The following ADGRL3 variants were observed in gnomAD, a reference collection of about 807,000 sequenced individuals.
ADGRL3 encodes the protein calcium-independent alpha-latrotoxin receptor 3.
Under a neutral mutation model 153.5 loss-of-function variants are expected in ADGRL3, and 62 were observed. The observed-to-expected ratio is 0.40, with a 90% CI of 0.33 to 0.50. The LOEUF (loss-of-function observed/expected upper bound fraction) is 0.50. Among genes scored for constraint, ADGRL3 ranks in the 20% least tolerant of loss-of-function variants. The pLI is 0.47. For missense variants in ADGRL3, 1,641 were observed against 1,859.4 expected (o/e 0.88, Z 2.16); for synonymous variants, 710 against 672.5 (o/e 1.06, Z -0.86).
intron 2 of ADGRL3, among the ~76,000 whole-genome samples, chr4:61,422,530 T>A (rs1212654420): frequency 6.6e-6 from 1 of 152,152 alleles, no homozygotes; most frequent in Non-Finnish European, 1.5e-5. Flanking sequence ...GGTTATATTA[T>A]TTACTAATGT....
chr4:61,569,403 G>T (rs1014892579), intron 4 of ADGRL3, among the ~76,000 whole-genome samples: 1 of 152,046 alleles, frequency 6.6e-6, no homozygotes, highest in Admixed American at 6.6e-5. Context: ...AAAAAGGAAA[G>T]CTCTACCTAT....
chr4:61,534,871 T>A (rs1380196504), intron 4 of ADGRL3, among the ~76,000 whole-genome samples: 2 of 152,108 alleles, frequency 1.3e-5, no homozygotes, highest in Admixed American at 1.3e-4. Context: ...TAAGATCATG[T>A]CATCAGTGAA....
intron 1 of ADGRL3, among the ~76,000 whole-genome samples, chr4:61,280,821 C>T (rs1196921507): frequency 6.6e-6 from 1 of 151,948 alleles, no homozygotes; most frequent in Non-Finnish European, 1.5e-5. Flanking sequence ...GTAATATATC[C>T]ACTTAGCAAA....
intron 1 of ADGRL3, among the ~76,000 whole-genome samples, chr4:61,377,483 G>A (rs2096617591): frequency 6.6e-6 from 1 of 151,720 alleles, no homozygotes; most frequent in Non-Finnish European, 1.5e-5. Flanking sequence ...GATCTGTTGA[G>A]TATTACCAAA....
chr4:61,846,650 AT>A (rs2098119437), intron 9 of ADGRL3, among the ~76,000 whole-genome samples: 1 of 152,114 alleles, frequency 6.6e-6, no homozygotes, highest in South Asian at 2.1e-4. Context: ...CTCTAAAGAA[AT>A]ACCTGAGACT....
intron 1 of ADGRL3, among the ~76,000 whole-genome samples, chr4:61,284,324 A>G (rs941889429): frequency 4.0e-5 from 6 of 151,764 alleles, no homozygotes; most frequent in Admixed American, 3.3e-4. Context: ...TAAAACATAG[A>G]CTCAACTTCC....
At chr4:61,261,189 CTTTTT>C (rs56862136) in intron 1 of ADGRL3, among the ~76,000 whole-genome samples, 3 of 118,258 alleles carry the variant, frequency 2.5e-5, no homozygotes, top group African/African-American at 1.1e-4. Context: ...TCATCTTCTT[CTTTTT>C]TTTTTTTTTT....
At chr4:61,479,708 T>C (rs1169765764) in intron 2 of ADGRL3, among the ~76,000 whole-genome samples, 1 of 152,162 alleles carries the variant, frequency 6.6e-6, no homozygotes, top group Non-Finnish European at 1.5e-5. Flanking sequence ...GAAACATGTA[T>C]ATTAGAGGTG....
chr4:62,071,784 CA>C lies in ADGRL3; in HGVS notation c.*882del. On this transcript the variant is annotated 3_prime_UTR_variant, in exon 27 of 27. Transcript: ENST00000683033. The stretch of plus-strand genomic sequence containing the variant: ...TTTATTCCTTTAAAATTTCGCCTGG[CA>C]AAAAATAAATAAATGGAACTATCAC... 2 of 393,836 alleles carry C rather than the reference CA, an allele frequency of 5.1e-6. No homozygotes were observed. The highest frequency in any genetic ancestry group is 4.9e-6 in the Non-Finnish European group (1 of 205,240). 24.4% of individuals were successfully genotyped at this position (393,836 alleles called of 1,614,324 possible). A position where few individuals can be genotyped will look rare whatever the true frequency, so the allele number is the denominator to read the frequency against.
chr4:61,421,757 G>A (rs1431587616), intron 2 of ADGRL3, among the ~76,000 whole-genome samples: 1 of 152,114 alleles, frequency 6.6e-6, no homozygotes, highest in East Asian at 1.9e-4. Context: ...CTTTAGTAAA[G>A]TATTGTAATG....
At chr4:61,624,191 GAA>G (rs2092698315) in intron 5 of ADGRL3, among the ~76,000 whole-genome samples, 1 of 152,090 alleles carries the variant, frequency 6.6e-6, no homozygotes. Flanking sequence ...ATGGCATAGT[GAA>G]AAGAGAAAAA....
chr4:61,279,901 G>C (rs2093646734), intron 1 of ADGRL3, among the ~76,000 whole-genome samples: 3 of 151,940 alleles, frequency 2.0e-5, no homozygotes. Flanking sequence ...TGCAAAATAA[G>C]GATAAATATT....
At chr4:61,726,618 T>C (rs542437339) in intron 6 of ADGRL3, among the ~76,000 whole-genome samples, 8 of 152,296 alleles carry the variant, frequency 5.3e-5, no homozygotes, top group Non-Finnish European at 1.0e-4. Context: ...ATTACTTTCT[T>C]ATTTTGCCTT....
At chr4:61,760,649 G>A (rs945695525) in intron 8 of ADGRL3, among the ~76,000 whole-genome samples, 20 of 152,142 alleles carry the variant, frequency 1.3e-4, no homozygotes, top group African/African-American at 3.4e-4. Flanking sequence ...CGCTGGGTGC[G>A]CTGCACCCAC....
chr4:61,228,929 C>T (rs1749218963), intron 1 of ADGRL3, among the ~76,000 whole-genome samples: 1 of 152,082 alleles, frequency 6.6e-6, no homozygotes, highest in Non-Finnish European at 1.5e-5. Context: ...TGACCTCAAG[C>T]AATCTATCCG....
intron 12 of ADGRL3, 147 bp from the exon 13 acceptor site, chr4:61,912,572 C>T: frequency 1.5e-6 from 1 of 648,842 alleles, no homozygotes; most frequent in Non-Finnish European, 2.6e-6. Flanking sequence ...CATTTTGCTG[C>T]TGCTTAGCTT....
intron 8 of ADGRL3, among the ~76,000 whole-genome samples, chr4:61,764,527 G>C (rs1243135064): frequency 6.6e-6 from 1 of 151,562 alleles, no homozygotes; most frequent in Non-Finnish European, 1.5e-5. Context: ...AATGTCATCA[G>C]TTAAGGCAAG....
rs11432355 is a variant in ADGRL3 at position 61,874,789 on chromosome 4, CTTTTTTTTTTTTTTTTTT to C, written c.1481-17854_1481-17837del. Among the ~76,000 whole-genome samples the C allele has an allele frequency of 2.7e-3, 165 of 61,560 alleles. 4 individuals are homozygous for C. In the Middle Eastern group the frequency reaches 0.048, roughly 18 times the overall value. 40.4% of individuals were successfully genotyped at this position (61,560 alleles called of 152,430 possible). A position where few individuals can be genotyped will look rare whatever the true frequency, so the allele number is the denominator to read the frequency against. Reference sequence around the variant, plus strand: ...ATATTTTCAACGACATCAAAATGCTCTTTTTTTTTTTTTTTTTTTTTTTTTTTTTTGAGACGGAGTCTC... The same window carrying C: ...ATATTTTCAACGACATCAAAATGCTCTTTTTTTTTTTTGAGACGGAGTCTC... On this transcript the variant is annotated intron_variant, in intron 9 of 26. Transcript: ENST00000683033.
At chr4:61,400,631 TG>T (rs1412269771) in intron 2 of ADGRL3, among the ~76,000 whole-genome samples, 2 of 151,722 alleles carry the variant, frequency 1.3e-5, no homozygotes, top group Non-Finnish European at 3.0e-5. Context: ...GTAGTGGAAA[TG>T]GGGAAAACTA....
Sources: gnomAD v4.1 joint callset for allele counts (sites outside exome capture counted in the v4.1 genomes callset) on GRCh38, gnomAD v4.1.1 for gene constraint, MANE v1.5 for transcripts, NCBI Gene and HGNC (gene_info 2026-07-23, HGNC 2026-07-21) for gene names.